KIAA1328: variants seen among roughly 807,000 people sequenced by gnomAD.
KIAA1328 encodes protein hinderin.
Under a neutral mutation model 68.1 loss-of-function variants are expected in KIAA1328, and 52 were observed. The observed-to-expected ratio is 0.76, with a 90% confidence interval of 0.61 to 0.96. The LOEUF (loss-of-function observed/expected upper bound fraction) is 0.96. KIAA1328 is among the 40% of genes least tolerant of loss of function. The probability of loss-of-function intolerance (pLI) is 0.00; values close to 1 mark genes in which losing one functional copy is unlikely to be tolerated. For missense variants in KIAA1328, 641 were observed against 677.6 expected, an observed-to-expected ratio of 0.95 and a Z score of 0.60; for synonymous variants, 232 against 239.4, an observed-to-expected ratio of 0.97 and a Z score of 0.28.
intron 9 of KIAA1328, among the ~76,000 whole-genome samples, chr18:37,182,680 C>T (rs1324937042): frequency 6.6e-6 from 1 of 152,150 alleles, no homozygotes; most frequent in African/African-American, 2.4e-5. Flanking sequence ...TTAGGTTCAT[C>T]TCAGAGGTGG....
At chr18:36,963,433 T>A (rs1328486730) in intron 6 of KIAA1328, among the ~76,000 whole-genome samples, 1 of 152,174 alleles carries the variant, frequency 6.6e-6, no homozygotes, top group East Asian at 1.9e-4. Context: ...GTATTAATAG[T>A]CTTATCTTAA....
chr18:36,895,756 T>C (rs760045768), intron 5 of KIAA1328: 4 of 456,088 alleles, frequency 8.8e-6, no homozygotes, highest in South Asian at 6.2e-5. Context: ...TAGCTGAAGA[T>C]AGGGTTTTTA....
intron 5 of KIAA1328, among the ~76,000 whole-genome samples, chr18:36,954,808 C>T (rs1598812013): frequency 1.3e-5 from 2 of 151,520 alleles, no homozygotes. Context: ...AATTGTCTTG[C>T]GACAGCCTCC....
At chr18:36,903,498 C>G (rs903009837) in intron 5 of KIAA1328, 1 of 151,998 alleles carries the variant, frequency 6.6e-6, no homozygotes, top group Non-Finnish European at 1.5e-5. Flanking sequence ...ATTGAGGTGA[C>G]TTTAGGGGAA....
chr18:36,887,457 A>C (rs921901096), intron 5 of KIAA1328, among the ~76,000 whole-genome samples: 5 of 151,860 alleles, frequency 3.3e-5, no homozygotes, highest in African/African-American at 1.2e-4. Context: ...CAATTCTCTC[A>C]GGTTTTTTTA....
At chr18:36,989,733 C>A (rs1195534303) in intron 6 of KIAA1328, among the ~76,000 whole-genome samples, 2 of 151,962 alleles carry the variant, frequency 1.3e-5, no homozygotes, top group Non-Finnish European at 2.9e-5. Flanking sequence ...CTAGCTCTGT[C>A]GCCCAGGCTG....
At chr18:36,887,447 C>T (rs1191393815) in intron 5 of KIAA1328, among the ~76,000 whole-genome samples, 3 of 151,902 alleles carry the variant, frequency 2.0e-5, no homozygotes, top group Non-Finnish European at 4.4e-5. Context: ...GGCAGCTTTA[C>T]AATTCTCTCA....
At chr18:37,050,449 G>A (rs1342146337) in intron 6 of KIAA1328, among the ~76,000 whole-genome samples, 1 of 151,908 alleles carries the variant, frequency 6.6e-6, no homozygotes, top group Admixed American at 6.6e-5. Context: ...TTTCTGATCT[G>A]CATTAAATAA....
At position 37,172,957 on chromosome 18, in the gene KIAA1328, T is replaced by C; in HGVS notation, c.1415-16T>C. 6.3e-7 allele frequency: 1 copy of C among 1,578,224 alleles called. No homozygotes were observed. The highest frequency in any genetic ancestry group is 1.2e-5 in the South Asian group (1 of 86,908). On this transcript the variant is annotated splice_polypyrimidine_tract_variant and intron_variant, in intron 8 of 9. Coordinates refer to ENST00000280020, the MANE Select transcript of KIAA1328 (RefSeq NM_020776.3). ...TTTACTGAATGCCCAAATTATTTTC[T>C]TTATTTTTCATATAGGGACAGTGAC...
At chr18:37,190,968 C>T (rs879483047) in intron 9 of KIAA1328, among the ~76,000 whole-genome samples, 2 of 152,196 alleles carry the variant, frequency 1.3e-5, no homozygotes, top group Admixed American at 1.3e-4. Context: ...CTTTTTACTG[C>T]TAGAGCACTT....
At chr18:36,834,206 G>A (rs1380774580) in intron 1 of KIAA1328, 114 bp from the exon 2 acceptor site, 1 of 1,256,822 alleles carries the variant, frequency 8.0e-7, no homozygotes, top group South Asian at 3.4e-5. Context: ...TTAAAAGTTA[G>A]TTACAAATTC....
chr18:37,232,153 A>C (rs574832639), downstream of KIAA1328: 13 of 152,336 alleles, frequency 8.5e-5, no homozygotes, highest in East Asian at 2.5e-3. Context: ...ACATTGTAAT[A>C]AATTTTTTCT....
intron 6 of KIAA1328, among the ~76,000 whole-genome samples, chr18:37,005,884 T>C (rs2053762731): frequency 6.6e-6 from 1 of 152,046 alleles, no homozygotes; most frequent in African/African-American, 2.4e-5. Flanking sequence ...TTCTCACTTA[T>C]GTGTGGGAGC....
chr18:37,095,613 A>G (rs942198619), intron 7 of KIAA1328, among the ~76,000 whole-genome samples: 1 of 152,206 alleles, frequency 6.6e-6, no homozygotes, highest in South Asian at 2.1e-4. Flanking sequence ...AGAACTAACC[A>G]AACTCAAAAT....
chr18:36,977,032 T>C (rs1203771316), intron 6 of KIAA1328, among the ~76,000 whole-genome samples: 2 of 152,170 alleles, frequency 1.3e-5, no homozygotes, highest in Non-Finnish European at 2.9e-5. Context: ...TTTTTAAGCG[T>C]GATAGTCATG....
intron 4 of KIAA1328, among the ~76,000 whole-genome samples, chr18:36,848,263 G>C (rs1269173985): frequency 6.6e-6 from 1 of 151,380 alleles, no homozygotes; most frequent in Non-Finnish European, 1.5e-5. Flanking sequence ...GTCATTTTCA[G>C]GTTATAGGTT....
At position 36,834,356 on chromosome 18, in the gene KIAA1328, G is replaced by A. The variant is rs887521884; in HGVS notation, c.94+1G>A. 65 of 1,573,650 alleles carry A rather than the reference G, an allele frequency of 4.1e-5. No homozygotes were observed. The highest frequency in any genetic ancestry group is 5.1e-5 in the Non-Finnish European group (59 of 1,162,014). ...GAACAATCAGTAGTATACGTTCCAG[G>A]TATGATTTTCTATGTTAAAATTTGG... On this transcript the variant is annotated splice_donor_variant, in intron 2 of 9. Coordinates refer to ENST00000280020, the MANE Select transcript of KIAA1328 (RefSeq NM_020776.3). LOFTEE classifies it high-confidence loss of function.
At chr18:37,067,881 A>G (rs1286331073) in intron 7 of KIAA1328, among the ~76,000 whole-genome samples, 1 of 152,120 alleles carries the variant, frequency 6.6e-6, no homozygotes, top group African/African-American at 2.4e-5. Context: ...TCTTTTAGCA[A>G]TGTCTGTAGT....
At chr18:37,017,477 C>T (rs886452656) in intron 6 of KIAA1328, among the ~76,000 whole-genome samples, 3 of 151,992 alleles carry the variant, frequency 2.0e-5, no homozygotes, top group African/African-American at 7.2e-5. Flanking sequence ...TTTATTACAT[C>T]CAATTGTTCA....
Sources: gnomAD v4.1 joint callset for allele counts (sites outside exome capture counted in the v4.1 genomes callset) on GRCh38, gnomAD v4.1.1 for gene constraint, MANE v1.5 for transcripts, NCBI Gene and HGNC (gene_info 2026-07-23, HGNC 2026-07-21) for gene names.